The following DPYS variants were observed in gnomAD, a reference collection of about 807,000 sequenced individuals.
The protein encoded by DPYS is dihydropyrimidine amidohydrolase.
In DPYS, 39 loss-of-function variants were observed where a neutral mutation model predicts 50.3. The ratio of observed to expected loss-of-function variants is 0.78; its 90% CI spans 0.60 to 1.01. The LOEUF is 1.01. Ranked by LOEUF, DPYS falls within the 50% of genes least tolerant of loss-of-function variation. The probability of loss-of-function intolerance (pLI) is 0.00; values close to 1 mark genes in which losing one functional copy is unlikely to be tolerated. For synonymous variants in DPYS, 245 were observed against 250.7 expected, an observed-to-expected ratio of 0.98 and a Z score of 0.22; for missense variants, 659 against 680.9, an observed-to-expected ratio of 0.97 and a Z score of 0.36.
At chr8:104,443,321 TACATACTAGGCTGA>T (rs57523744) in intron 4 of DPYS, among the ~76,000 whole-genome samples, 137,981 of 151,886 alleles carry the variant, frequency 0.91, 63,233 homozygotes, top group Middle Eastern at 0.98. Context: ...GATGAGTATT[TACATACTAGGCTGA>T]ACATACTAGG....
chr8:104,461,082 G>A (rs180672899), intron 1 of DPYS, among the ~76,000 whole-genome samples: 32 of 148,494 alleles, frequency 2.2e-4, no homozygotes, highest in African/African-American at 7.0e-4. Context: ...TCAGGAGTTT[G>A]AGATCAGCCT....
intron 7 of DPYS, among the ~76,000 whole-genome samples, chr8:104,400,442 G>C (rs187619068): frequency 8.5e-5 from 13 of 152,318 alleles, no homozygotes; most frequent in African/African-American, 3.1e-4. Flanking sequence ...TTACTAAATA[G>C]TTTTCAAATT....
intron 8 of DPYS, among the ~76,000 whole-genome samples, chr8:104,387,310 G>T (rs1386049860): frequency 6.6e-6 from 1 of 152,172 alleles, no homozygotes; most frequent in African/African-American, 2.4e-5. Context: ...TATCCTGGCT[G>T]GAGTGGGAGA....
At chr8:104,423,921 G>A (rs1812634698) in intron 7 of DPYS, 1 of 909,546 alleles carries the variant, frequency 1.1e-6, no homozygotes, top group African/African-American at 1.8e-5. Flanking sequence ...TTCAAACTAA[G>A]CCTTTTATTT....
intron 7 of DPYS, among the ~76,000 whole-genome samples, chr8:104,406,840 TAC>T (rs1174276348): frequency 6.6e-6 from 1 of 152,008 alleles, no homozygotes; most frequent in Non-Finnish European, 1.5e-5. Context: ...CACACACACA[TAC>T]ACACACACAG....
At chr8:104,438,866 T>G (rs534161657) in intron 4 of DPYS, among the ~76,000 whole-genome samples, 1 of 152,036 alleles carries the variant, frequency 6.6e-6, no homozygotes, top group East Asian at 1.9e-4. Context: ...GAGGTTAGCC[T>G]GAGACCAGCC....
At chr8:104,404,374 C>T (rs187600677) in intron 7 of DPYS, among the ~76,000 whole-genome samples, 17 of 152,262 alleles carry the variant, frequency 1.1e-4, no homozygotes, top group Non-Finnish European at 1.8e-4. Flanking sequence ...TATATTTCTG[C>T]CAAGGCTAGG....
Position 104,425,976 on chromosome 8 carries a change from TTA to T in DPYS, c.1093-1589_1093-1588del, listed in dbSNP as rs1202177652. Among the ~76,000 whole-genome samples, 11 of 152,294 alleles carry T rather than the reference TTA, an allele frequency of 7.2e-5. No homozygotes were observed. In the South Asian group the frequency reaches 2.1e-3, roughly 29 times the overall value. On this transcript the variant is annotated intron_variant, in intron 6 of 9. Transcript: ENST00000351513. Reference sequence around the variant, plus strand: ...AACTATTCAGTCACTGTAAAGCCATTTATATACCAGGGAACTATATAGATTAT... The same window carrying T: ...AACTATTCAGTCACTGTAAAGCCATTTATACCAGGGAACTATATAGATTAT...
chr8:104,408,316 G>A (rs2140564356), intron 7 of DPYS, among the ~76,000 whole-genome samples: 1 of 152,316 alleles, frequency 6.6e-6, no homozygotes, highest in African/African-American at 2.4e-5. Flanking sequence ...TGCAAGAAAT[G>A]TGACAGACCA....
chr8:104,380,397 CG>C (rs1554689785), intron 9 of DPYS: 2 of 152,216 alleles, frequency 1.3e-5, no homozygotes, highest in Non-Finnish European at 2.9e-5. Context: ...AGATATCACA[CG>C]TTAAAAAAAA....
chr8:104,457,497 T>C lies in DPYS; in HGVS notation c.265-6093A>G, dbSNP rs56679025. On this transcript the variant is annotated intron_variant, in intron 1 of 9. Transcript: ENST00000351513. Reference sequence around the variant, plus strand: ...GAAACTGTGATTCAGGGTACACTACTGTATCCAAATGCATTTTCTTCCCTT... The same window carrying C: ...GAAACTGTGATTCAGGGTACACTACCGTATCCAAATGCATTTTCTTCCCTT... 5.9e-5 allele frequency among the ~76,000 whole-genome samples: 9 copies of C among 152,392 alleles called. No individual in the cohort carries two copies. The East Asian group carries it at 1.5e-3, about 26-fold the overall frequency.
chr8:104,447,217 T>C (rs1813561555), intron 3 of DPYS, 107 bp downstream of exon 3: 8 of 1,383,592 alleles, frequency 5.8e-6, no homozygotes, highest in Non-Finnish European at 8.0e-6. Context: ...TCTGGATTTC[T>C]CATCTTCCAA....
At chr8:104,444,761 G>A (rs972694127) in intron 3 of DPYS, among the ~76,000 whole-genome samples, 5 of 152,010 alleles carry the variant, frequency 3.3e-5, no homozygotes, top group African/African-American at 1.2e-4. Context: ...ATGGACAAAT[G>A]GGATGACATC....
At chr8:104,393,601 C>A (rs1044822633) in intron 7 of DPYS, among the ~76,000 whole-genome samples, 1 of 152,156 alleles carries the variant, frequency 6.6e-6, no homozygotes, top group Non-Finnish European at 1.5e-5. Flanking sequence ...GGAATATAAT[C>A]TCTTAGCATA....
intron 8 of DPYS, among the ~76,000 whole-genome samples, chr8:104,386,984 A>T (rs1314678870): frequency 6.6e-6 from 1 of 152,202 alleles, no homozygotes; most frequent in Non-Finnish European, 1.5e-5. Context: ...CAAAGGTATT[A>T]ATGATTGAAT....
intron 4 of DPYS, among the ~76,000 whole-genome samples, chr8:104,441,212 C>T (rs1308017960): frequency 5.3e-5 from 8 of 152,202 alleles, no homozygotes; most frequent in Admixed American, 5.2e-4. Flanking sequence ...GACTCAACTA[C>T]AACGTTTAGG....
intron 4 of DPYS, among the ~76,000 whole-genome samples, chr8:104,434,745 T>G (rs534658147): frequency 6.6e-6 from 1 of 152,312 alleles, no homozygotes; most frequent in East Asian, 1.9e-4. Flanking sequence ...GTACCTAGCA[T>G]GCGCTTGGCA....
intron 7 of DPYS, among the ~76,000 whole-genome samples, chr8:104,413,219 A>G (rs1241178914): frequency 6.6e-6 from 1 of 152,156 alleles, no homozygotes; most frequent in Non-Finnish European, 1.5e-5. Flanking sequence ...AAAATAAAAA[A>G]ACCACATTTC....
Position 104,444,445 on chromosome 8 carries a change from G to T in DPYS, c.604-8C>A. 1 of 1,614,098 alleles carries T rather than the reference G, an allele frequency of 6.2e-7. No individual in the cohort carries two copies. Among genetic ancestry groups the T allele is most frequent in the Non-Finnish European group, 8.5e-7 (1 of 1,180,036 alleles). On this transcript the variant is annotated splice_polypyrimidine_tract_variant and splice_region_variant and intron_variant, in intron 3 of 9. Transcript: ENST00000351513. ...CAACATCTTCTTTGCTCCCTAAAAAGACAGCAGGAATGTGTATATGTGCAA... is the reference window on the plus strand; with the variant it reads ...CAACATCTTCTTTGCTCCCTAAAAATACAGCAGGAATGTGTATATGTGCAA...
Sources: gnomAD v4.1 joint callset for allele counts (sites outside exome capture counted in the v4.1 genomes callset) on GRCh38, gnomAD v4.1.1 for gene constraint, MANE v1.5 for transcripts, NCBI Gene and HGNC (gene_info 2026-07-23, HGNC 2026-07-21) for gene names.